Variants in MAML3 observed in about 807,000 individuals in gnomAD.
The protein encoded by MAML3 is mastermind-like protein 3.
MAML3 carries 27 observed loss-of-function variants against 101.9 expected under a neutral mutation model. That is an observed-to-expected ratio of 0.27 (90% CI 0.20 to 0.37). MAML3 has a LOEUF of 0.37. Among genes scored for constraint, MAML3 ranks in the 10% least tolerant of loss-of-function variants. The probability of loss-of-function intolerance (pLI) is 1.00; values close to 1 mark genes in which losing one functional copy is unlikely to be tolerated. For missense variants in MAML3, 1,316 were observed against 1,444.9 expected, an observed-to-expected ratio of 0.91 and a Z score of 1.45; for synonymous variants, 501 against 555.9, an observed-to-expected ratio of 0.90 and a Z score of 1.39.
At chr4:140,088,732 C>A (rs1046200416) in intron 1 of MAML3, among the ~76,000 whole-genome samples, 3 of 152,016 alleles carry the variant, frequency 2.0e-5, no homozygotes, top group East Asian at 1.9e-4. Context: ...TTAAAAGCTT[C>A]TTAAGGAATG....
At chr4:140,151,697 G>GC (rs1553981893) in intron 1 of MAML3, among the ~76,000 whole-genome samples, 4 of 151,110 alleles carry the variant, frequency 2.6e-5, no homozygotes, top group Non-Finnish European at 4.4e-5. Context: ...GTGCGGGGGG[G>GC]GGGGGCACAC....
rs1298568567 is a variant in MAML3, at chr4:140,133,123, T to C, written c.468+19737A>G. ...TGTTACATGCCATATACATGGTAAA[T>C]ATTTATTTACAGTGTTTGACTAGGT... On this transcript the variant is annotated intron_variant, in intron 1 of 4. Transcript: ENST00000509479. 3 of 443,270 alleles carry C rather than the reference T, an allele frequency of 6.8e-6. No individual in the cohort carries two copies. The Admixed American group carries it at 7.3e-5, about 11-fold the overall frequency. The allele number at this position is 443,270 out of a possible 1,614,324, so 27.5% of individuals were successfully genotyped here.
chr4:140,022,150 T>C (rs1031262906), intron 1 of MAML3, among the ~76,000 whole-genome samples: 1 of 152,188 alleles, frequency 6.6e-6, no homozygotes, highest in Non-Finnish European at 1.5e-5. Flanking sequence ...GGAGGACCTG[T>C]TTCAAATAGG....
rs56025022 is a variant in MAML3 at position 139,993,465 on chromosome 4, GTTCTT to G, written c.469-102503_469-102499del. ...TTGCAAACATTTTTCTCCCAGTATGGTTCTTTTCTTTTCTTTTCTTTTTCTTATCT... is the reference window on the plus strand; with the variant it reads ...TTGCAAACATTTTTCTCCCAGTATGGTTCTTTTCTTTTCTTTTTCTTATCT... On this transcript the variant is annotated intron_variant, in intron 1 of 4. Transcript: ENST00000509479. Among the ~76,000 whole-genome samples the G allele has an allele frequency of 4.0e-5, 6 of 150,896 alleles. No homozygotes were observed. In the Middle Eastern group the frequency reaches 0.01, roughly 257 times the overall value.
chr4:140,008,976 T>A (rs1398953088), intron 1 of MAML3, among the ~76,000 whole-genome samples: 1 of 152,226 alleles, frequency 6.6e-6, no homozygotes, highest in African/African-American at 2.4e-5. Flanking sequence ...CTTAAAACCT[T>A]TGCATATCTA....
chr4:140,070,996 C>G (rs1288917797), intron 1 of MAML3, among the ~76,000 whole-genome samples: 1 of 152,228 alleles, frequency 6.6e-6, no homozygotes, highest in Non-Finnish European at 1.5e-5. Flanking sequence ...AAACTTCCCA[C>G]AGCAGATAAT....
At chr4:140,071,237 C>T (rs1389887967) in intron 1 of MAML3, among the ~76,000 whole-genome samples, 2 of 152,202 alleles carry the variant, frequency 1.3e-5, no homozygotes, top group Non-Finnish European at 2.9e-5. Context: ...CTCTCTTTCT[C>T]TCCCTCTCTT....
At chr4:140,143,818 A>G (rs1359086776) in intron 1 of MAML3, among the ~76,000 whole-genome samples, 1 of 152,164 alleles carries the variant, frequency 6.6e-6, no homozygotes, top group African/African-American at 2.4e-5. Context: ...ATCATGAAGT[A>G]AACAGCCAGA....
At chr4:139,892,952 T>G (rs1040281263) in intron 1 of MAML3, among the ~76,000 whole-genome samples, 19 of 127,914 alleles carry the variant, frequency 1.5e-4, no homozygotes, top group Non-Finnish European at 2.9e-4. Context: ...AAAAAAAAAG[T>G]CCAAACTGAC....
At chr4:139,793,808 T>C (rs1333422302) in intron 2 of MAML3, among the ~76,000 whole-genome samples, 1 of 152,224 alleles carries the variant, frequency 6.6e-6, no homozygotes, top group Non-Finnish European at 1.5e-5. Context: ...TCAGCAAACA[T>C]CTATAGGTAG....
intron 1 of MAML3, among the ~76,000 whole-genome samples, chr4:139,984,618 C>A (rs1478880987): frequency 6.6e-6 from 1 of 152,178 alleles, no homozygotes; most frequent in East Asian, 1.9e-4. Context: ...ACAGAACCAA[C>A]ATGAGATTTA....
In MAML3 at chr4:139,719,215, G is replaced by T; in HGVS notation, c.*108C>A. On this transcript the variant is annotated 3_prime_UTR_variant, in exon 5 of 5. Coordinates refer to ENST00000509479, the MANE Select transcript of MAML3 (RefSeq NM_018717.5). Reference sequence around the variant, plus strand: ...TGTCAGCCAGCTGCAGTTTTGCTCAGTTTACGTGGGTCAAAAAAACAAAAA... The same window carrying T: ...TGTCAGCCAGCTGCAGTTTTGCTCATTTTACGTGGGTCAAAAAAACAAAAA... The T allele has an allele frequency of 3.7e-6, 5 of 1,351,074 alleles. No homozygotes were observed. Among genetic ancestry groups the T allele is most frequent in the Non-Finnish European group, 4.9e-6 (5 of 1,013,098 alleles). 83.7% of individuals were successfully genotyped at this position (1,351,074 alleles called of 1,614,324 possible).
In MAML3 at chr4:140,117,388, TAA is replaced by T. The variant is rs577931012; in HGVS notation, c.468+35470_468+35471del. Among the ~76,000 whole-genome samples, 43 of 151,628 alleles carry T rather than the reference TAA, an allele frequency of 2.8e-4. 1 individual carries two copies. The East Asian group carries it at 7.1e-3, about 25-fold the overall frequency. Reference sequence around the variant, plus strand: ...TAAAACCTAACTTCCAAAAATAAGTTAAACTTTAATGTGGTTTTATGTTTTTA... The same window carrying T: ...TAAAACCTAACTTCCAAAAATAAGTTACTTTAATGTGGTTTTATGTTTTTA... On this transcript the variant is annotated intron_variant, in intron 1 of 4. Coordinates refer to ENST00000509479, the MANE Select transcript of MAML3 (RefSeq NM_018717.5).
chr4:140,096,311 T>C (rs1728163521), intron 1 of MAML3, among the ~76,000 whole-genome samples: 1 of 152,206 alleles, frequency 6.6e-6, no homozygotes, highest in Non-Finnish European at 1.5e-5. Flanking sequence ...TCTCCAAGGC[T>C]GTGTAGCTGC....
rs186316822 is a variant in MAML3, at chr4:140,084,121, G to C, written c.468+68739C>G. On this transcript the variant is annotated intron_variant, in intron 1 of 4. Transcript: ENST00000509479. ...GTCACCATCACTTAGCACTCAGTAA[G>C]TATTTATTGGATGAATGCATGAATG... Among the ~76,000 whole-genome samples the C allele has an allele frequency of 1.7e-3, 266 of 152,210 alleles. 1 individual carries two copies. Among genetic ancestry groups the C allele is most frequent in the Non-Finnish European group, 3.0e-3 (207 of 68,012 alleles).
chr4:139,928,199 C>T (rs1038478258), intron 1 of MAML3, among the ~76,000 whole-genome samples: 2 of 152,198 alleles, frequency 1.3e-5, no homozygotes, highest in South Asian at 2.1e-4. Flanking sequence ...CAATGCGATA[C>T]CTCTACTACC....
chr4:139,796,178 T>C (rs190189639), intron 2 of MAML3, among the ~76,000 whole-genome samples: 11 of 152,374 alleles, frequency 7.2e-5, no homozygotes, highest in African/African-American at 2.4e-4. Context: ...AGATTCGTTA[T>C]GCTTTATAAT....
intron 2 of MAML3, among the ~76,000 whole-genome samples, chr4:139,755,273 C>T (rs1729621384): frequency 6.6e-6 from 1 of 152,206 alleles, no homozygotes; most frequent in Non-Finnish European, 1.5e-5. Flanking sequence ...CCTTATTTGG[C>T]TTGGACCTCC....
At chr4:139,921,559 G>C (rs1051869153) in intron 1 of MAML3, among the ~76,000 whole-genome samples, 3 of 152,122 alleles carry the variant, frequency 2.0e-5, no homozygotes, top group African/African-American at 7.2e-5. Flanking sequence ...CGATCTGTGG[G>C]GAGACTGCAA....
Sources: gnomAD v4.1 joint callset for allele counts (sites outside exome capture counted in the v4.1 genomes callset) on GRCh38, gnomAD v4.1.1 for gene constraint, MANE v1.5 for transcripts, NCBI Gene and HGNC (gene_info 2026-07-23, HGNC 2026-07-21) for gene names.